The following KCNN1 variants were observed in gnomAD, a reference collection of about 807,000 sequenced individuals.
The protein encoded by KCNN1 is potassium calcium-activated channel subfamily N member 1.
In KCNN1, 20 loss-of-function variants were observed where a neutral mutation model predicts 44.7. The ratio of observed to expected loss-of-function variants is 0.45; its 90% CI spans 0.32 to 0.65. The LOEUF is 0.65. Ranked by LOEUF, KCNN1 falls within the 30% of genes least tolerant of loss-of-function variation. KCNN1 has a pLI of 0.05. For missense variants in KCNN1, 632 were observed against 785.3 expected (o/e 0.80, Z 2.33); for synonymous variants, 324 against 341.7 (o/e 0.95, Z 0.57).
chr19:17,961,582 CTTTCT>C (rs1170849047), intron 2 of KCNN1, among the ~76,000 whole-genome samples: 1 of 101,310 alleles, frequency 9.9e-6, no homozygotes, highest in Non-Finnish European at 1.9e-5. Flanking sequence ...TTCTTTCTTT[CTTTCT>C]TTTTTTTTTT....
chr19:17,951,936 C>T (rs976355666), intron 1 of KCNN1, among the ~76,000 whole-genome samples: 1 of 152,260 alleles, frequency 6.6e-6, no homozygotes, highest in African/African-American at 2.4e-5. Context: ...CTCTCCGGGC[C>T]TCAGTTTCCC....
upstream of KCNN1, among the ~76,000 whole-genome samples, chr19:17,963,935 C>A (rs2145908139): frequency 6.6e-6 from 1 of 152,184 alleles, no homozygotes; most frequent in Non-Finnish European, 1.5e-5. Context: ...CGCTATGTTG[C>A]CTAGGCTGGA....
chr19:17,960,780 G>C (rs1316550839), intron 2 of KCNN1, among the ~76,000 whole-genome samples: 2 of 152,078 alleles, frequency 1.3e-5, no homozygotes, highest in Non-Finnish European at 2.9e-5. Context: ...TCCAGCCTCT[G>C]GTGGCTCCTG....
intron 9 of KCNN1, among the ~76,000 whole-genome samples, chr19:17,994,176 G>A (rs957033718): frequency 3.9e-5 from 6 of 152,082 alleles, no homozygotes; most frequent in Non-Finnish European, 7.4e-5. Flanking sequence ...TGGGTTCAAT[G>A]GGTCATGCCT....
At chr19:17,982,592 C>A in intron 4 of KCNN1, 1 of 985,314 alleles carries the variant, frequency 1.0e-6, no homozygotes, top group Non-Finnish European at 1.2e-6. Flanking sequence ...TCCCACCCTC[C>A]GCTGAGCTGT....
At chr19:17,997,274 TC>T (rs563804536) in intron 9 of KCNN1, among the ~76,000 whole-genome samples, 1 of 151,782 alleles carries the variant, frequency 6.6e-6, no homozygotes, top group Non-Finnish European at 1.5e-5. Flanking sequence ...CTGAACAGGG[TC>T]CCCCCTCCTC....
intron 1 of KCNN1, among the ~76,000 whole-genome samples, chr19:17,970,551 A>T (rs1419833574): frequency 6.6e-6 from 1 of 151,726 alleles, no homozygotes. Flanking sequence ...TCTTGACTTC[A>T]GGTGATCCAC....
chr19:17,963,693 C>T (rs2031735268), upstream of KCNN1, among the ~76,000 whole-genome samples: 1 of 150,982 alleles, frequency 6.6e-6, no homozygotes, highest in Non-Finnish European at 1.5e-5. Flanking sequence ...GTTCTTTCAA[C>T]TTTTTTGGAT....
chr19:17,976,783 T>G (rs767618859), intron 3 of KCNN1, among the ~76,000 whole-genome samples: 177 of 150,554 alleles, frequency 1.2e-3, no homozygotes, highest in Admixed American at 2.8e-3. Flanking sequence ...TGGCGCGATC[T>G]TGGCTCACTG....
At chr19:17,967,771 C>A (rs1378810578) in intron 1 of KCNN1, among the ~76,000 whole-genome samples, 1 of 151,994 alleles carries the variant, frequency 6.6e-6, no homozygotes, top group African/African-American at 2.4e-5. Flanking sequence ...GGACCCAGCT[C>A]GGGGCACTGC....
At position 17,974,435 on chromosome 19, in the gene KCNN1, G is replaced by A; in HGVS notation, c.402+145G>A. The stretch of plus-strand genomic sequence containing the variant: ...GGAGGTGAGGGCTCCCTGGCCTTCT[G>A]CATACCCACCTCCAGGAAGGTAGCA... On this transcript the variant is annotated intron_variant, in intron 2 of 9. Coordinates refer to ENST00000684775, the MANE Select transcript of KCNN1 (RefSeq NM_001386974.1). The surrounding 1 kb of genome is among the most constrained non-coding windows in gnomAD (Gnocchi z 7.3). 3 of 864,026 alleles carry A rather than the reference G, an allele frequency of 3.5e-6. No homozygotes were observed. Among genetic ancestry groups the A allele is most frequent in the Non-Finnish European group, 5.1e-6 (3 of 589,368 alleles). 53.5% of individuals were successfully genotyped at this position (864,026 alleles called of 1,614,324 possible). A position where few individuals can be genotyped will look rare whatever the true frequency, so the allele number is the denominator to read the frequency against.
At chr19:17,991,202 A>T (rs1250353774) in intron 7 of KCNN1, among the ~76,000 whole-genome samples, 4 of 151,946 alleles carry the variant, frequency 2.6e-5, no homozygotes. Context: ...TCGTAATCCC[A>T]GCACTTTGGG....
intron 2 of KCNN1, among the ~76,000 whole-genome samples, chr19:17,960,111 A>C (rs1355466900): frequency 2.6e-5 from 4 of 151,782 alleles, no homozygotes; most frequent in African/African-American, 4.8e-5. Context: ...AAAAAAACAA[A>C]AAAAAAAAAG....
At chr19:17,968,305 C>T (rs192529530) in intron 1 of KCNN1, among the ~76,000 whole-genome samples, 307 of 152,068 alleles carry the variant, frequency 2.0e-3, no homozygotes, top group African/African-American at 7.1e-3. Flanking sequence ...GCAGGGAGCA[C>T]CTTCTCTTGG....
chr19:17,974,075 C>G lies in KCNN1; in HGVS notation c.187C>G (p.Pro63Ala), dbSNP rs2032121330. ...RPSPGSPRGQ[P>A]QDQDDDEDDE... ...CTCACCCGGCAGCCCCCGGGGGCAGCCCCAGGACCAGGACGATGACGAGGA... is the reference window on the plus strand; with the variant it reads ...CTCACCCGGCAGCCCCCGGGGGCAGGCCCAGGACCAGGACGATGACGAGGA... Residue 63 changes from proline (P) to alanine (A), a missense_variant, in exon 2 of 10, where the codon CCC (proline) becomes GCC (alanine). Physicochemically the swap from Pro to Ala is conservative, Grantham distance 27. Coordinates refer to ENST00000684775, the MANE Select transcript of KCNN1 (RefSeq NM_001386974.1). This position sits in a 1 kb window ranked among gnomAD's most constrained non-coding sequence, Gnocchi z 7.3. 1 of 1,611,556 alleles carries G rather than the reference C, an allele frequency of 6.2e-7. No homozygotes were observed. Among genetic ancestry groups the G allele is most frequent in the East Asian group, 2.2e-5 (1 of 44,868 alleles).
chr19:17,993,133 C>T lies in KCNN1; in HGVS notation c.1307+71C>T, dbSNP rs1055500461. The T allele has an allele frequency of 1.3e-6, 2 of 1,584,574 alleles. No individual in the cohort carries two copies. Among genetic ancestry groups the T allele is most frequent in the Admixed American group, 1.7e-5 (1 of 58,896 alleles). ...GCATGGTGGTCACAGACAGGGGGTACACCCGGGGCATGCCAACCCCAGCCT... is the reference window on the plus strand; with the variant it reads ...GCATGGTGGTCACAGACAGGGGGTATACCCGGGGCATGCCAACCCCAGCCT... On this transcript the variant is annotated intron_variant, in intron 8 of 9. Transcript: ENST00000684775. The surrounding 1 kb of genome is among the most constrained non-coding windows in gnomAD (Gnocchi z 4.5).
chr19:17,961,581 TCTTTC>T (rs1323365291), intron 2 of KCNN1, among the ~76,000 whole-genome samples: 14 of 71,992 alleles, frequency 1.9e-4, no homozygotes, highest in South Asian at 1.9e-3. Context: ...TTTCTTTCTT[TCTTTC>T]TTTTTTTTTT....
rs1287106570 is a variant in KCNN1, at chr19:17,983,591, TG to T, written c.917+1471del. Among the ~76,000 whole-genome samples the T allele has an allele frequency of 6.8e-6, 1 of 147,906 alleles. No homozygotes were observed. The highest frequency in any genetic ancestry group is 1.5e-5 in the Non-Finnish European group (1 of 66,510). ...TCCAAGCTGGGTCCTTGCAGGGCTC[TG>T]GGGGGGTGGGGCACGGGGCAGGGCC... On this transcript the variant is annotated intron_variant, in intron 4 of 9. Coordinates refer to ENST00000684775, the MANE Select transcript of KCNN1 (RefSeq NM_001386974.1). The surrounding 1 kb of genome is among the most constrained non-coding windows in gnomAD (Gnocchi z 4.5).
chr19:17,998,221 G>A lies in KCNN1; in HGVS notation c.1447G>A (p.Ala483Thr). ...AQHEELEARL[A>T]TLESRLDALG... ...GCACGAGGAGCTGGAGGCCCGCCTGGCCACCCTGGAAAGCCGCTTGGATGC... is the reference window on the plus strand; with the variant it reads ...GCACGAGGAGCTGGAGGCCCGCCTGACCACCCTGGAAAGCCGCTTGGATGC... The change falls in exon 10 of 10, where the codon GCC (alanine) becomes ACC (threonine). Residue 483 changes from alanine to threonine, a missense_variant. Transcript: ENST00000684775. This position sits in a 1 kb window ranked among gnomAD's most constrained non-coding sequence, Gnocchi z 5.4. 1 of 1,585,084 alleles carries A rather than the reference G, an allele frequency of 6.3e-7. No individual in the cohort carries two copies. Among genetic ancestry groups the A allele is most frequent in the Non-Finnish European group, 8.6e-7 (1 of 1,167,276 alleles).
Sources: gnomAD v4.1 joint callset for allele counts (sites outside exome capture counted in the v4.1 genomes callset) on GRCh38, gnomAD v4.1.1 for gene constraint, Gnocchi (gnomAD v3.1) non-coding constraint, MANE v1.5 for transcripts, NCBI Gene and HGNC (gene_info 2026-07-23, HGNC 2026-07-21) for gene names.